The following SYT2 variants were observed in gnomAD, a reference collection of about 807,000 sequenced individuals.
SYT2 encodes synaptotagmin 2, also known as synaptotagmin-2.
SYT2 carries 15 observed loss-of-function variants against 39.9 expected under a neutral mutation model. The ratio of observed to expected loss-of-function variants is 0.38; its 90% CI spans 0.25 to 0.58. SYT2 has a LOEUF of 0.58. Among genes scored for constraint, SYT2 ranks in the 20% least tolerant of loss-of-function variants. The pLI is 0.70. For missense variants in SYT2, 389 were observed against 530.3 expected (o/e 0.73, Z 2.62); for synonymous variants, 181 against 204.5 (o/e 0.89, Z 0.98).
chr1:202,685,326 G>A (rs918115526), intron 1 of SYT2, among the ~76,000 whole-genome samples: 3 of 151,946 alleles, frequency 2.0e-5, no homozygotes, highest in Non-Finnish European at 4.4e-5. Flanking sequence ...GCTATTCCAG[G>A]CCCCCATCCT....
In SYT2 at chr1:202,659,269, G is replaced by A. The variant is rs560463084; in HGVS notation, c.-18+50989C>T. On this transcript the variant is annotated intron_variant, in intron 1 of 8. Transcript: ENST00000367268. ...TCTGATCTTGGGTTTCATTTTAAGG[G>A]AACTTTTTAGTCCAGCTCTGTTTTC... 3.9e-5 allele frequency among the ~76,000 whole-genome samples: 6 copies of A among 152,206 alleles called. No homozygotes were observed. The South Asian group carries it at 1.2e-3, about 32-fold the overall frequency.
At chr1:202,693,635 G>C (rs927867788) in intron 1 of SYT2, among the ~76,000 whole-genome samples, 3 of 152,184 alleles carry the variant, frequency 2.0e-5, no homozygotes, top group African/African-American at 7.2e-5. Flanking sequence ...TTGGAATAAA[G>C]ATCTTTCAAG....
At chr1:202,619,671 A>G (rs1691152528) in intron 1 of SYT2, among the ~76,000 whole-genome samples, 1 of 152,178 alleles carries the variant, frequency 6.6e-6, no homozygotes, top group South Asian at 2.1e-4. Context: ...TGGGCACCAC[A>G]CTTTGAAAAA....
At chr1:202,653,228 C>G (rs184740262) in intron 1 of SYT2, among the ~76,000 whole-genome samples, 1 of 152,154 alleles carries the variant, frequency 6.6e-6, no homozygotes, top group East Asian at 1.9e-4. Context: ...ACGGACCCCC[C>G]CTGAACCGTC....
At chr1:202,674,687 C>T (rs1223796153) in intron 1 of SYT2, among the ~76,000 whole-genome samples, 2 of 152,144 alleles carry the variant, frequency 1.3e-5, no homozygotes, top group African/African-American at 4.8e-5. Flanking sequence ...TAAAATTTTC[C>T]AAGGACTCCC....
rs904026860 is a variant in SYT2, at chr1:202,594,253, C to T, written c.*2504G>A. Reference sequence around the variant, plus strand: ...AGAGTAATAAAAATCCAGCCCTGGTCACCAGGCACATAGACACCCAGACCA... The same window carrying T: ...AGAGTAATAAAAATCCAGCCCTGGTTACCAGGCACATAGACACCCAGACCA... On this transcript the variant is annotated 3_prime_UTR_variant, in exon 9 of 9. Transcript: ENST00000367268. 2.0e-5 allele frequency: 3 copies of T among 152,258 alleles called. No homozygotes were observed. Among genetic ancestry groups the T allele is most frequent in the African/African-American group, 7.2e-5 (3 of 41,458 alleles). The allele number at this position is 152,258 out of a possible 1,614,324, so 9.4% of individuals were successfully genotyped here. A position where few individuals can be genotyped will look rare whatever the true frequency, so the allele number is the denominator to read the frequency against.
intron 1 of SYT2, among the ~76,000 whole-genome samples, chr1:202,674,931 G>A (rs918731206): frequency 1.5e-4 from 11 of 75,372 alleles, no homozygotes; most frequent in Non-Finnish European, 3.6e-4. Flanking sequence ...AGCCTGCTTC[G>A]CCTCCTTCAG....
chr1:202,700,254 T>A (rs1654078732), intron 1 of SYT2, among the ~76,000 whole-genome samples: 1 of 152,150 alleles, frequency 6.6e-6, no homozygotes, highest in African/African-American at 2.4e-5. Context: ...CCATGCAGCC[T>A]GCCCAGCAAG....
At chr1:202,625,520 CT>C (rs1306933805) in intron 1 of SYT2, among the ~76,000 whole-genome samples, 1 of 151,692 alleles carries the variant, frequency 6.6e-6, no homozygotes. Context: ...CCCGTTCAAG[CT>C]GCAGGAGAGT....
chr1:202,678,863 G>A (rs1003944422), intron 1 of SYT2, among the ~76,000 whole-genome samples: 1 of 152,030 alleles, frequency 6.6e-6, no homozygotes, highest in Non-Finnish European at 1.5e-5. Flanking sequence ...CTGCTGCCAC[G>A]TTCAGAGTCT....
intron 1 of SYT2, chr1:202,636,473 A>AT: frequency 2.3e-6 from 2 of 885,710 alleles, no homozygotes; most frequent in Non-Finnish European, 2.7e-6. Context: ...ACATCTTGGG[A>AT]GAAGTGAGAA....
At chr1:202,639,800 C>A (rs1471091151) in intron 1 of SYT2, 3 of 985,328 alleles carry the variant, frequency 3.0e-6, no homozygotes, top group Non-Finnish European at 3.6e-6. Context: ...GAGGCCAGTG[C>A]GCAGCAAGAG....
intron 1 of SYT2, among the ~76,000 whole-genome samples, chr1:202,682,504 CAAG>C (rs957950013): frequency 2.5e-4 from 38 of 152,282 alleles, no homozygotes; most frequent in Admixed American, 1.8e-3. Context: ...AGGAAAGCTT[CAAG>C]AAGAAGTGTG....
At chr1:202,600,620 A>T in intron 6 of SYT2, 146 bp from the exon 7 acceptor site, 2 of 683,056 alleles carry the variant, frequency 2.9e-6, no homozygotes, top group Non-Finnish European at 2.5e-6. Context: ...ATGGCCGAGA[A>T]GGTCTTCCAG....
At chr1:202,655,103 G>A (rs2149103575) in intron 1 of SYT2, among the ~76,000 whole-genome samples, 1 of 152,270 alleles carries the variant, frequency 6.6e-6, no homozygotes. Flanking sequence ...CATGAGGTGG[G>A]TGTTGAGATG....
chr1:202,674,060 G>A (rs1572671832), intron 1 of SYT2, among the ~76,000 whole-genome samples: 1 of 152,110 alleles, frequency 6.6e-6, no homozygotes, highest in South Asian at 2.1e-4. Flanking sequence ...GTGGGTATGT[G>A]TGTGAATTTC....
At chr1:202,636,347 G>A (rs1572645865) in intron 1 of SYT2, 1 of 985,288 alleles carries the variant, frequency 1.0e-6, no homozygotes, top group South Asian at 4.7e-5. Context: ...AACATGCCAG[G>A]ACCTCAGCCA....
At chr1:202,620,189 T>C (rs1287173873) in intron 1 of SYT2, among the ~76,000 whole-genome samples, 2 of 152,238 alleles carry the variant, frequency 1.3e-5, no homozygotes, top group African/African-American at 4.8e-5. Context: ...GCCGCTGTCC[T>C]TCTGTCTGCC....
intron 1 of SYT2, among the ~76,000 whole-genome samples, chr1:202,703,775 C>T (rs1654180749): frequency 6.6e-6 from 1 of 152,150 alleles, no homozygotes; most frequent in Admixed American, 6.5e-5. Context: ...CCTCCCATCC[C>T]CTCCTTCCTT....
Sources: gnomAD v4.1 joint callset for allele counts (sites outside exome capture counted in the v4.1 genomes callset) on GRCh38, gnomAD v4.1.1 for gene constraint, MANE v1.5 for transcripts, NCBI Gene and HGNC (gene_info 2026-07-23, HGNC 2026-07-21) for gene names.